NOLC1: variants seen among roughly 807,000 people sequenced by gnomAD.
NOLC1 encodes 140 kDa nucleolar phosphoprotein.
In NOLC1, 37 loss-of-function variants were observed where a neutral mutation model predicts 73.4. The ratio of observed to expected loss-of-function variants is 0.50; its 90% CI spans 0.39 to 0.66. NOLC1 has a LOEUF of 0.66. NOLC1 is among the 30% of genes least tolerant of loss of function. NOLC1 has a pLI of 0.00. For missense variants in NOLC1, 921 were observed against 838.9 expected (o/e 1.10, Z -1.21); for synonymous variants, 327 against 302.6 (o/e 1.08, Z -0.84).
intron 5 of NOLC1, among the ~76,000 whole-genome samples, chr10:102,158,425 A>G (rs1252148821): frequency 6.6e-6 from 1 of 152,328 alleles, no homozygotes; most frequent in African/African-American, 2.4e-5. Flanking sequence ...GCAAGAAAAA[A>G]TGTGTATTTT....
Position 102,158,082 on chromosome 10 carries a change from G to A in NOLC1, c.475G>A (p.Ala159Thr), listed in dbSNP as rs970050944. ...TAAGCCCCAAGCCAAGGCAGCCAAA[G>A]CTCCTCCTAAGAAGGCCAAGAGCTC... ...GVKPQAKAAKAPPKKAKSSDS... is the reference protein window; with the variant it reads ...GVKPQAKAAKTPPKKAKSSDS... The change falls in exon 5 of 13, where the codon GCT becomes ACT. Residue 159 changes from alanine to threonine, a missense_variant. Transcript: ENST00000605788. 1.9e-6 allele frequency: 3 copies of A among 1,614,074 alleles called. No individual in the cohort carries two copies. Among genetic ancestry groups the A allele is most frequent in the Non-Finnish European group, 2.5e-6 (3 of 1,179,960 alleles).
In NOLC1 at chr10:102,152,479, C is replaced by G. The variant is rs2069522196; in HGVS notation, c.69C>G (p.Arg23=). 6.2e-7 allele frequency: 1 copy of G among 1,613,660 alleles called. No individual in the cohort carries two copies. Among genetic ancestry groups the G allele is most frequent in the South Asian group, 1.1e-5 (1 of 91,086 alleles). The change falls in exon 1 of 13, where the codon CGC becomes CGG. Residue 23 remains arginine, a synonymous_variant. Transcript: ENST00000605788. ...ATCCCCTCGTGCTCGGCTTCCTGCG[C>G]GATAACCAACTCTCAGAGGTGGCCA... is the stretch of plus-strand genomic sequence containing the variant. ...DLYPLVLGFL[R]DNQLSEVANK...
At chr10:102,157,350 G>C in intron 3 of NOLC1, 22 bp downstream of exon 3, 1 of 1,613,452 alleles carries the variant, frequency 6.2e-7, no homozygotes, top group Non-Finnish European at 8.5e-7. Context: ...TAGCAGGTGG[G>C]CTTGGTGGTG....
chr10:102,158,906 C>T (rs2069647697), intron 5 of NOLC1, among the ~76,000 whole-genome samples: 1 of 151,546 alleles, frequency 6.6e-6, no homozygotes, highest in African/African-American at 2.4e-5. Context: ...ACCAGCCTGG[C>T]CAACATGGCG....
intron 2 of NOLC1, 39 bp downstream of exon 2, chr10:102,157,113 C>A (rs763229272): frequency 6.2e-7 from 1 of 1,614,010 alleles, no homozygotes; most frequent in South Asian, 1.1e-5. Context: ...TTTTCTCCCC[C>A]AAGATAGGCT....
intron 1 of NOLC1, among the ~76,000 whole-genome samples, 188 bp downstream of exon 1, chr10:102,152,718 C>G (rs1283777672): frequency 6.6e-6 from 1 of 152,242 alleles, no homozygotes; most frequent in South Asian, 2.1e-4. Flanking sequence ...TCCTCCATGT[C>G]TGAGTAGATA....
rs374685488 is a variant in NOLC1 at position 102,161,096 on chromosome 10, C to G, written c.1741+3C>G. On this transcript the variant is annotated splice_donor_region_variant and intron_variant, in intron 10 of 12. Transcript: ENST00000605788. ...GGCAGTGGTAGTTTCCAAATCAGGT[C>G]TGTACCCAATGAACATGCCCTCTGG... 288 of 1,598,146 alleles carry G rather than the reference C, an allele frequency of 1.8e-4. No homozygotes were observed. The highest frequency in any genetic ancestry group is 2.4e-4 in the Non-Finnish European group (277 of 1,175,846).
At chr10:102,157,670 A>C (rs1564968729) in intron 4 of NOLC1, 115 bp downstream of exon 4, 1 of 1,244,658 alleles carries the variant, frequency 8.0e-7, no homozygotes. Flanking sequence ...GGTGATTATG[A>C]GGAAGAAAAT....
At position 102,159,195 on chromosome 10, in the gene NOLC1, C is replaced by G. The variant is rs2069654248; in HGVS notation, c.610C>G (p.Arg204Gly). 6.2e-7 allele frequency: 1 copy of G among 1,613,264 alleles called. No homozygotes were observed. The highest frequency in any genetic ancestry group is 8.5e-7 in the Non-Finnish European group (1 of 1,179,876). ...AQTKAPPKPA[R>G]AAPKIANGKA... ...TTTCTTTTTCTTGGGTATTCCAGCT[C>G]GAGCAGCACCTAAAATAGCCAATGG... Residue 204 changes from arginine (R) to glycine (G), a missense_variant and splice_region_variant, in exon 6 of 13, where the codon CGA (arginine) becomes GGA (glycine). Transcript: ENST00000605788.
chr10:102,159,518 C>T lies in NOLC1; in HGVS notation c.809C>T (p.Ser270Phe). Reference protein sequence around the residue: ...PTRKSSSSEDSSSDEEEEQKK... With the variant: ...PTRKSSSSEDFSSDEEEEQKK... ...CGGAAGAGTTCTAGCAGTGAGGATT[C>T]CTCCAGTGACGAGGAAGAGGAGCAA... The change falls in exon 7 of 13, where the codon TCC (serine) becomes TTC (phenylalanine). Residue 270 changes from serine (S) to phenylalanine (F), a missense_variant. Ser to Phe is a radical substitution (Grantham distance 155). Transcript: ENST00000605788. 1 of 1,614,174 alleles carries T rather than the reference C, an allele frequency of 6.2e-7. No individual in the cohort carries two copies. Among genetic ancestry groups the T allele is most frequent in the African/African-American group, 1.3e-5 (1 of 75,034 alleles).
intron 4 of NOLC1, 69 bp downstream of exon 4, chr10:102,157,624 A>G: frequency 6.5e-7 from 1 of 1,542,690 alleles, no homozygotes; most frequent in Non-Finnish European, 8.7e-7. Flanking sequence ...CTTGGCCTCT[A>G]GCTTGTAACC....
chr10:102,159,282 G>A lies in NOLC1; in HGVS notation c.697G>A (p.Glu233Lys), dbSNP rs1249063635. 1 of 1,614,100 alleles carries A rather than the reference G, an allele frequency of 6.2e-7. No individual in the cohort carries two copies. The highest frequency in any genetic ancestry group is 1.7e-5 in the Admixed American group (1 of 60,008). ...CAGTAGCAGTGATGACTCAGAGGAG[G>A]AGAAGGCAGCAGCCACCCCCAAGAA... ...SSSSSDDSEE[E>K]KAAATPKKTV... is the part of the protein sequence containing the mutation. Residue 233 changes from glutamate to lysine, a missense_variant, in exon 6 of 13, where the codon GAG (glutamate) becomes AAG (lysine). Transcript: ENST00000605788.
intron 2 of NOLC1, 40 bp from the exon 3 acceptor site, chr10:102,157,149 A>T (rs768068439): frequency 6.2e-7 from 1 of 1,613,868 alleles, no homozygotes; most frequent in Non-Finnish European, 8.5e-7. Context: ...GTTTGGGAAG[A>T]TTCCAGTCCC....
At chr10:102,162,011 T>C in intron 12 of NOLC1, 86 bp downstream of exon 12, 2 of 1,603,212 alleles carry the variant, frequency 1.2e-6, no homozygotes, top group Middle Eastern at 3.8e-4. Flanking sequence ...GTGGGAATCT[T>C]CTCTGGGTTC....
intron 2 of NOLC1, 28 bp downstream of exon 2, chr10:102,157,102 ATT>A: frequency 6.2e-7 from 1 of 1,613,848 alleles, no homozygotes; most frequent in Non-Finnish European, 8.5e-7. Context: ...CATTTTGGCT[ATT>A]TTCTCCCCCA....
rs1013269137 is a variant in NOLC1 at position 102,162,114 on chromosome 10, G to C, written c.1945G>C (p.Gly649Arg). The stretch of plus-strand genomic sequence containing the variant: ...AATCTCCCTCTCTACTTACCAGCGA[G>C]GTGCAGCCGGAGACTGGGGAGAGCG... ...VADNSFDAKRGAAGDWGERAN... is the reference protein window; with the variant it reads ...VADNSFDAKRRAAGDWGERAN... The change falls in exon 13 of 13, where the codon GGT (glycine) becomes CGT (arginine). Residue 649 changes from glycine to arginine, a missense_variant. Physicochemically the swap from Gly to Arg is moderately radical, Grantham distance 125. Transcript: ENST00000605788. 2 of 1,613,798 alleles carry C rather than the reference G, an allele frequency of 1.2e-6. No homozygotes were observed. The highest frequency in any genetic ancestry group is 8.5e-7 in the Non-Finnish European group (1 of 1,179,984).
At chr10:102,153,953 G>A (rs577335424) in intron 1 of NOLC1, among the ~76,000 whole-genome samples, 1 of 152,066 alleles carries the variant, frequency 6.6e-6, no homozygotes, top group East Asian at 1.9e-4. Flanking sequence ...GATTACAGGC[G>A]CGAGCCACCG....
At chr10:102,153,672 CTTTTTTTTTTT>C (rs56074108) in intron 1 of NOLC1, among the ~76,000 whole-genome samples, 24 of 88,172 alleles carry the variant, frequency 2.7e-4, no homozygotes, top group Non-Finnish European at 4.4e-4. Context: ...AATTAGGATT[CTTTTTTTTTTT>C]TTTTTTTTTT....
In NOLC1 at chr10:102,163,277, ATCC is replaced by A; in HGVS notation, c.*1011_*1013del. The A allele has an allele frequency of 6.6e-6, 1 of 152,232 alleles. No homozygotes were observed. The highest frequency in any genetic ancestry group is 1.9e-4 in the East Asian group (1 of 5,202). 9.4% of individuals were successfully genotyped at this position (152,232 alleles called of 1,614,324 possible). A position where few individuals can be genotyped will look rare whatever the true frequency, so the allele number is the denominator to read the frequency against. On this transcript the variant is annotated 3_prime_UTR_variant, in exon 13 of 13. Coordinates refer to ENST00000605788, the MANE Select transcript of NOLC1 (RefSeq NM_004741.5). ...AAAAAAAACAAACGTTAAAACCTCAATCCTCAGTAGGAAGGTAGATTACATTAG... is the reference window on the plus strand; with the variant it reads ...AAAAAAAACAAACGTTAAAACCTCAATCAGTAGGAAGGTAGATTACATTAG...
Sources: gnomAD v4.1 joint callset for allele counts (sites outside exome capture counted in the v4.1 genomes callset) on GRCh38, gnomAD v4.1.1 for gene constraint, MANE v1.5 for transcripts, NCBI Gene and HGNC (gene_info 2026-07-23, HGNC 2026-07-21) for gene names.